AKT3: variants seen among roughly 807,000 people sequenced by gnomAD.
The protein encoded by AKT3 is AKT serine/threonine kinase 3.
AKT3 carries 15 observed loss-of-function variants against 65.3 expected under a neutral mutation model. That is an observed-to-expected ratio of 0.23 (90% CI 0.15 to 0.35). The LOEUF is 0.35. Among genes scored for constraint, AKT3 ranks in the 10% least tolerant of loss-of-function variants. The pLI is 1.00. For synonymous variants in AKT3, 206 were observed against 183.8 expected, an observed-to-expected ratio of 1.12 and a Z score of -0.98; for missense variants, 243 against 576.5, an observed-to-expected ratio of 0.42 and a Z score of 5.92.
At chr1:243,808,638 C>T (rs1692910222) in intron 2 of AKT3, among the ~76,000 whole-genome samples, 1 of 152,102 alleles carries the variant, frequency 6.6e-6, no homozygotes, top group South Asian at 2.1e-4. Flanking sequence ...TTCCCCAATC[C>T]AGCAAGGCAG....
chr1:243,670,416 T>C (rs1017722757), intron 3 of AKT3, among the ~76,000 whole-genome samples: 4 of 152,208 alleles, frequency 2.6e-5, no homozygotes, highest in African/African-American at 9.6e-5. Context: ...TTTGAGTTCT[T>C]GCATGTTCGC....
intron 3 of AKT3, among the ~76,000 whole-genome samples, chr1:243,680,721 A>G (rs1683849851): frequency 6.6e-6 from 1 of 152,190 alleles, no homozygotes; most frequent in African/African-American, 2.4e-5. Flanking sequence ...TATATAACTT[A>G]CTGCAAATAT....
At chr1:243,732,772 T>G (rs746778414) in intron 2 of AKT3, among the ~76,000 whole-genome samples, 1 of 152,200 alleles carries the variant, frequency 6.6e-6, no homozygotes, top group Admixed American at 6.5e-5. Context: ...AAGCACTTGT[T>G]GCCTCTTTCA....
intron 2 of AKT3, among the ~76,000 whole-genome samples, chr1:243,838,841 T>C (rs948337809): frequency 6.6e-6 from 1 of 152,168 alleles, no homozygotes; most frequent in African/African-American, 2.4e-5. Flanking sequence ...AAAAGTTATT[T>C]GAAAGCCAAA....
At chr1:243,781,636 T>C (rs1047071529) in intron 2 of AKT3, among the ~76,000 whole-genome samples, 1 of 152,184 alleles carries the variant, frequency 6.6e-6, no homozygotes, top group African/African-American at 2.4e-5. Context: ...AATGTTGATG[T>C]TTGAGTGACA....
chr1:243,718,789 A>C (rs1414768448), intron 2 of AKT3, among the ~76,000 whole-genome samples: 1 of 152,172 alleles, frequency 6.6e-6, no homozygotes, highest in Non-Finnish European at 1.5e-5. Flanking sequence ...TCAATTATGA[A>C]GAGTAAATGC....
chr1:243,684,839 T>C (rs1684172379), intron 3 of AKT3, among the ~76,000 whole-genome samples: 1 of 152,246 alleles, frequency 6.6e-6, no homozygotes, highest in Admixed American at 6.5e-5. Flanking sequence ...GACTTTTTAA[T>C]GATCACCATT....
intron 10 of AKT3, among the ~76,000 whole-genome samples, chr1:243,554,612 G>A (rs1305752340): frequency 6.6e-6 from 1 of 152,094 alleles, no homozygotes; most frequent in Non-Finnish European, 1.5e-5. Flanking sequence ...CAAGGATCTC[G>A]CTCATGGCCA....
At chr1:243,690,867 TAAAAA>T in intron 3 of AKT3, among the ~76,000 whole-genome samples, 1 of 152,178 alleles carries the variant, frequency 6.6e-6, no homozygotes, top group East Asian at 1.9e-4. Flanking sequence ...TTTTCTCACC[TAAAAA>T]AAGAGAAATC....
At chr1:243,818,699 C>G (rs1336186835) in intron 2 of AKT3, among the ~76,000 whole-genome samples, 1 of 151,804 alleles carries the variant, frequency 6.6e-6, no homozygotes, top group African/African-American at 2.4e-5. Context: ...ATATGTTATG[C>G]AGAAGTCCAT....
intron 2 of AKT3, among the ~76,000 whole-genome samples, chr1:243,740,154 G>C (rs899611425): frequency 6.6e-6 from 1 of 152,144 alleles, no homozygotes; most frequent in Admixed American, 6.5e-5. Context: ...CAAAAAATGA[G>C]AGAAACTACG....
At chr1:243,508,602 G>T (rs961745804) in intron 13 of AKT3, among the ~76,000 whole-genome samples, 1 of 150,458 alleles carries the variant, frequency 6.6e-6, no homozygotes, top group Non-Finnish European at 1.5e-5. Flanking sequence ...ACTGTCCAGG[G>T]CCCAGGAGCA....
intron 9 of AKT3, among the ~76,000 whole-genome samples, chr1:243,565,281 G>T (rs764186083): frequency 6.6e-6 from 1 of 152,182 alleles, no homozygotes; most frequent in African/African-American, 2.4e-5. Context: ...ACCCAAACTG[G>T]AGTGCAGTGG....
chr1:243,697,254 C>G (rs1040433526), intron 2 of AKT3, among the ~76,000 whole-genome samples: 3 of 151,932 alleles, frequency 2.0e-5, no homozygotes, highest in Non-Finnish European at 4.4e-5. Context: ...GCACTGCTTT[C>G]CATTTTTACA....
chr1:243,758,054 C>A (rs1045633498), intron 2 of AKT3, among the ~76,000 whole-genome samples: 2 of 152,200 alleles, frequency 1.3e-5, no homozygotes, highest in Non-Finnish European at 1.5e-5. Context: ...TGAGCCACCA[C>A]ACCCAGCTAT....
chr1:243,545,307 T>C (rs540797824), intron 12 of AKT3, among the ~76,000 whole-genome samples: 72 of 152,332 alleles, frequency 4.7e-4, no homozygotes, highest in African/African-American at 1.6e-3. Context: ...GTGATCATGT[T>C]GAGCAAAATC....
chr1:243,820,845 G>A (rs2148422478), intron 2 of AKT3, among the ~76,000 whole-genome samples: 1 of 152,266 alleles, frequency 6.6e-6, no homozygotes, highest in South Asian at 2.1e-4. Flanking sequence ...ATGGAACCAA[G>A]TTGGAATATA....
At chr1:243,807,372 C>T (rs377383420) in intron 2 of AKT3, among the ~76,000 whole-genome samples, 1 of 152,348 alleles carries the variant, frequency 6.6e-6, no homozygotes, top group East Asian at 1.9e-4. Context: ...GCAAACGGCA[C>T]ACCAGGAGAT....
rs1669058410 is a variant in AKT3 at position 243,499,767 on chromosome 1, G to A, written c.*5482C>T. On this transcript the variant is annotated 3_prime_UTR_variant, in exon 14 of 14. Transcript: ENST00000673466. ...ATTATTTTTTCCAGTTACCCAGCAT[G>A]CCACAATCTGATTGCTGACCTGGAT... 1 of 1,612,292 alleles carries A rather than the reference G, an allele frequency of 6.2e-7. No homozygotes were observed. Among genetic ancestry groups the A allele is most frequent in the Non-Finnish European group, 8.5e-7 (1 of 1,178,632 alleles).
Sources: gnomAD v4.1 joint callset for allele counts (sites outside exome capture counted in the v4.1 genomes callset) on GRCh38, gnomAD v4.1.1 for gene constraint, MANE v1.5 for transcripts, NCBI Gene and HGNC (gene_info 2026-07-23, HGNC 2026-07-21) for gene names.